The following FKBP9 variants were observed in gnomAD, a reference collection of about 807,000 sequenced individuals.
FKBP9 encodes peptidyl-prolyl cis-trans isomerase FKBP9.
Under a neutral mutation model 55.6 loss-of-function variants are expected in FKBP9, and 27 were observed. The observed-to-expected ratio is 0.49, with a 90% CI of 0.36 to 0.67. The LOEUF (loss-of-function observed/expected upper bound fraction) is 0.67. FKBP9 is among the 30% of genes least tolerant of loss of function. The probability of loss-of-function intolerance (pLI) is 0.00; values close to 1 mark genes in which losing one functional copy is unlikely to be tolerated. For missense variants in FKBP9, 539 were observed against 742.8 expected, an observed-to-expected ratio of 0.73 and a Z score of 3.19; for synonymous variants, 267 against 296.5, an observed-to-expected ratio of 0.90 and a Z score of 1.02.
chr7:32,963,239 A>C lies in FKBP9; in HGVS notation c.221+5445A>C, dbSNP rs950853070. Among the ~76,000 whole-genome samples the C allele has an allele frequency of 2.0e-5, 3 of 150,700 alleles. No homozygotes were observed. The East Asian group carries it at 5.9e-4, about 30-fold the overall frequency. ...GCTCAAGGAACAGTGAGAGGCTCCAATATTTGGGTCAGGAGGCAGGGGACC... is the reference window on the plus strand; with the variant it reads ...GCTCAAGGAACAGTGAGAGGCTCCACTATTTGGGTCAGGAGGCAGGGGACC... On this transcript the variant is annotated intron_variant, in intron 1 of 9. Coordinates refer to ENST00000242209, the MANE Select transcript of FKBP9 (RefSeq NM_007270.5).
chr7:32,990,886 C>T (rs921087561), intron 6 of FKBP9, among the ~76,000 whole-genome samples: 11 of 151,912 alleles, frequency 7.2e-5, no homozygotes, highest in Admixed American at 2.6e-4. Context: ...ATCCAAGAAA[C>T]GTCAAGTTGG....
intron 1 of FKBP9, among the ~76,000 whole-genome samples, chr7:32,964,153 T>C (rs1181847984): frequency 6.6e-6 from 1 of 152,226 alleles, no homozygotes; most frequent in South Asian, 2.1e-4. Flanking sequence ...TACCGTGCAT[T>C]AGCCCTGTGC....
chr7:32,994,926 TTATTCTCTTGAATAAG>T (rs1233250840), intron 6 of FKBP9: 1 of 172,674 alleles, frequency 5.8e-6, no homozygotes, highest in Admixed American at 6.4e-5. Flanking sequence ...ATTAGCTGTG[TTATTCTCTTGAATAAG>T]TAATATCATG....
chr7:32,971,142 A>G (rs1010099572), intron 1 of FKBP9, among the ~76,000 whole-genome samples: 1 of 151,932 alleles, frequency 6.6e-6, no homozygotes, highest in Non-Finnish European at 1.5e-5. Context: ...GGTTGTATAA[A>G]TGCTTACTCC....
intron 1 of FKBP9, among the ~76,000 whole-genome samples, chr7:32,974,239 C>T (rs1280623947): frequency 6.6e-6 from 1 of 152,096 alleles, no homozygotes; most frequent in Non-Finnish European, 1.5e-5. Context: ...GTCTCGAACT[C>T]CTAACTTCAA....
At chr7:32,997,043 C>T (rs1422691415) in intron 7 of FKBP9, among the ~76,000 whole-genome samples, 1 of 151,872 alleles carries the variant, frequency 6.6e-6, no homozygotes, top group Non-Finnish European at 1.5e-5. Context: ...ATCCACCCGC[C>T]TCGGCCTCCC....
chr7:32,977,585 C>T (rs191512085), intron 4 of FKBP9, among the ~76,000 whole-genome samples: 2 of 151,948 alleles, frequency 1.3e-5, no homozygotes, highest in African/African-American at 4.8e-5. Context: ...TGTTGTTGAC[C>T]AAAACTTCAT....
At chr7:32,964,924 T>C (rs570958702) in intron 1 of FKBP9, among the ~76,000 whole-genome samples, 214 of 152,108 alleles carry the variant, frequency 1.4e-3, no homozygotes, top group Middle Eastern at 0.01. Context: ...AGGCGGCCAG[T>C]GGGGAGGTGA....
chr7:32,985,178 CTTT>C (rs1444286814), intron 5 of FKBP9, among the ~76,000 whole-genome samples: 2 of 111,452 alleles, frequency 1.8e-5, no homozygotes, highest in Non-Finnish European at 1.8e-5. Context: ...TTCTTTCTTT[CTTT>C]TTTTTTTTTT....
At chr7:32,963,023 T>G (rs553509016) in intron 1 of FKBP9, among the ~76,000 whole-genome samples, 15 of 152,306 alleles carry the variant, frequency 9.8e-5, no homozygotes, top group South Asian at 2.1e-4. Flanking sequence ...CTTGTGAGTA[T>G]TATGCATAGA....
chr7:32,998,073 T>C (rs1008071347), intron 7 of FKBP9, among the ~76,000 whole-genome samples: 1 of 152,180 alleles, frequency 6.6e-6, no homozygotes, highest in Non-Finnish European at 1.5e-5. Flanking sequence ...CAGTGAAATA[T>C]GTGCTAGGCT....
intron 7 of FKBP9, among the ~76,000 whole-genome samples, chr7:32,999,308 C>T (rs991160446): frequency 1.3e-5 from 2 of 151,986 alleles, no homozygotes; most frequent in African/African-American, 4.8e-5. Context: ...GGGCTTTTCT[C>T]CTTGGAGTAA....
rs753836099 is a variant in FKBP9 at position 32,988,524 on chromosome 7, C to T, written c.911C>T (p.Thr304Met). Residue 304 changes from threonine to methionine, a missense_variant, in exon 6 of 10, where the codon ACG becomes ATG. Around this residue, in one of 4 missense-constraint regions of FKBP9, gnomAD observed 172 missense variants for 205.3 expected, o/e 0.84. Coordinates refer to ENST00000242209, the MANE Select transcript of FKBP9 (RefSeq NM_007270.5). ...TTTTCTAGCTACTCTCGGAACCGCA[C>T]GTTTGACACGTACATTGGGCAGGGC... Reference protein sequence around the residue: ...LFDSSYSRNRTFDTYIGQGYV... With the variant: ...LFDSSYSRNRMFDTYIGQGYV... The T allele has an allele frequency of 3.7e-6, 6 of 1,613,816 alleles. No individual in the cohort carries two copies. The highest frequency in any genetic ancestry group is 1.7e-5 in the Admixed American group (1 of 60,008).
At chr7:32,992,182 T>C (rs1784696721) in intron 6 of FKBP9, among the ~76,000 whole-genome samples, 4 of 151,864 alleles carry the variant, frequency 2.6e-5, no homozygotes, top group Admixed American at 2.6e-4. Flanking sequence ...CCTAGAGCTC[T>C]CAGAGGAAAC....
rs66517762 is a variant in FKBP9 at position 33,006,092 on chromosome 7, T to TC, written c.*741_*742insC. The TC allele has an allele frequency of 3.5e-5, 1 of 28,906 alleles. No homozygotes were observed. The highest frequency in any genetic ancestry group is 2.1e-4 in the African/African-American group (1 of 4,850). 1.8% of individuals were successfully genotyped at this position (28,906 alleles called of 1,614,324 possible). On this transcript the variant is annotated 3_prime_UTR_variant, in exon 10 of 10. Coordinates refer to ENST00000242209, the MANE Select transcript of FKBP9 (RefSeq NM_007270.5). ...GTCATCTGCTTAGCTTTTCCTTTCCTTTTTTTTTTTTTTTTTTTTTCTGGA... is the reference window on the plus strand; with the variant it reads ...GTCATCTGCTTAGCTTTTCCTTTCCTCTTTTTTTTTTTTTTTTTTTTCTGGA...
In FKBP9 at chr7:33,000,101, CT is replaced by C; in HGVS notation, c.1227-13del. ...GTTGGTGACCTAACATGAGGCTCTTCTGTTTCATTTTAGGTGGAATTTAGGC... is the reference window on the plus strand; with the variant it reads ...GTTGGTGACCTAACATGAGGCTCTTCGTTTCATTTTAGGTGGAATTTAGGC... On this transcript the variant is annotated splice_polypyrimidine_tract_variant and intron_variant, in intron 7 of 9. Coordinates refer to ENST00000242209, the MANE Select transcript of FKBP9 (RefSeq NM_007270.5). 6.2e-7 allele frequency: 1 copy of C among 1,614,114 alleles called. No individual in the cohort carries two copies. Among genetic ancestry groups the C allele is most frequent in the Non-Finnish European group, 8.5e-7 (1 of 1,179,994 alleles).
intron 1 of FKBP9, among the ~76,000 whole-genome samples, chr7:32,964,325 T>A (rs542140123): frequency 6.6e-6 from 1 of 152,336 alleles, no homozygotes; most frequent in African/African-American, 2.4e-5. Context: ...ACAATTTAAT[T>A]TGGCTGTATG....
intron 5 of FKBP9, among the ~76,000 whole-genome samples, chr7:32,988,249 A>C (rs1784612907): frequency 6.6e-6 from 1 of 152,220 alleles, no homozygotes; most frequent in African/African-American, 2.4e-5. Flanking sequence ...CTCATAACCC[A>C]CACTGCATTC....
chr7:33,003,825 G>A (rs1784977668), intron 9 of FKBP9, among the ~76,000 whole-genome samples: 1 of 152,092 alleles, frequency 6.6e-6, no homozygotes, highest in Non-Finnish European at 1.5e-5. Flanking sequence ...TCTTTTCTCT[G>A]TCTTTAAGTC....
Sources: gnomAD v4.1 joint callset for allele counts (sites outside exome capture counted in the v4.1 genomes callset) on GRCh38, gnomAD v4.1.1 for gene constraint, gnomAD v4.1.1 regional missense constraint, MANE v1.5 for transcripts, NCBI Gene and HGNC (gene_info 2026-07-23, HGNC 2026-07-21) for gene names.